Variants in TAF4B observed in about 807,000 individuals in gnomAD.
TAF4B encodes the protein transcription initiation factor TFIID subunit 4B.
A neutral mutation model predicts 86.4 loss-of-function variants in TAF4B; 38 were observed. The ratio of observed to expected loss-of-function variants is 0.44; its 90% CI spans 0.34 to 0.58. The LOEUF is 0.58. Ranked by LOEUF, TAF4B falls within the 20% of genes least tolerant of loss-of-function variation. The pLI is 0.02. For missense variants in TAF4B, 988 were observed against 1,027.6 expected (o/e 0.96, Z 0.53); for synonymous variants, 388 against 391.2 (o/e 0.99, Z 0.10).
Position 26,243,376 on chromosome 18 carries a change from C to A in TAF4B, c.343+16100C>A, listed in dbSNP as rs113831164. Among the ~76,000 whole-genome samples, 3 of 152,224 alleles carry A rather than the reference C, an allele frequency of 2.0e-5. No homozygotes were observed. In the South Asian group the frequency reaches 6.2e-4, roughly 32 times the overall value. On this transcript the variant is annotated intron_variant, in intron 1 of 14. Coordinates refer to ENST00000269142, the MANE Select transcript of TAF4B (RefSeq NM_005640.3). Reference sequence around the variant, plus strand: ...TACCCTTTCTTCCAGTTGATCGAATCGGCTACTGAAGCTTGTGCATCACGT... The same window carrying A: ...TACCCTTTCTTCCAGTTGATCGAATAGGCTACTGAAGCTTGTGCATCACGT...
At chr18:26,297,869 C>T (rs7226601) in intron 9 of TAF4B, among the ~76,000 whole-genome samples, 16,957 of 152,022 alleles carry the variant, frequency 0.11, 970 homozygotes, top group Middle Eastern at 0.14. Context: ...ATTGCTGAGT[C>T]GTATGGTAGG....
At chr18:26,258,857 A>G (rs1002433876) in intron 1 of TAF4B, among the ~76,000 whole-genome samples, 1 of 146,656 alleles carries the variant, frequency 6.8e-6, no homozygotes, top group Non-Finnish European at 1.5e-5. Context: ...ACACTGGGCT[A>G]CTTTTAATTT....
At chr18:26,337,044 A>C (rs2057097668) in intron 13 of TAF4B, among the ~76,000 whole-genome samples, 1 of 152,254 alleles carries the variant, frequency 6.6e-6, no homozygotes, top group African/African-American at 2.4e-5. Context: ...TGTTAATGAG[A>C]ACAGGTGGTA....
At chr18:26,292,798 A>T (rs2056609637) in intron 8 of TAF4B, among the ~76,000 whole-genome samples, 2 of 152,168 alleles carry the variant, frequency 1.3e-5, no homozygotes, top group Admixed American at 6.5e-5. Flanking sequence ...AAGTGCTGGG[A>T]TTACAGGTGT....
At chr18:26,249,290 C>G (rs1035318574) in intron 1 of TAF4B, among the ~76,000 whole-genome samples, 3 of 152,114 alleles carry the variant, frequency 2.0e-5, no homozygotes, top group African/African-American at 7.2e-5. Context: ...ACCAGCCAGG[C>G]CAACATGGCA....
chr18:26,295,258 C>A, intron 9 of TAF4B: 1 of 378,452 alleles, frequency 2.6e-6, no homozygotes, highest in Non-Finnish European at 5.3e-6. Context: ...CGTGTTCTGT[C>A]ATCTCTTGGT....
intron 13 of TAF4B, among the ~76,000 whole-genome samples, chr18:26,344,368 T>TA (rs1392833633): frequency 3.4e-3 from 511 of 151,290 alleles, no homozygotes; most frequent in Middle Eastern, 6.8e-3. Context: ...TTTTTTTTTT[T>TA]TAAAAAAAAA....
At chr18:26,310,840 T>C (rs1299989862) in intron 9 of TAF4B, among the ~76,000 whole-genome samples, 1 of 152,108 alleles carries the variant, frequency 6.6e-6, no homozygotes, top group Admixed American at 6.5e-5. Flanking sequence ...ATAGTATTTT[T>C]TTTTTCTTGG....
chr18:26,354,809 A>G (rs1236771065), intron 13 of TAF4B, among the ~76,000 whole-genome samples: 2 of 152,204 alleles, frequency 1.3e-5, no homozygotes, highest in Non-Finnish European at 2.9e-5. Context: ...CTGTAGCCTT[A>G]TAAGAAGTCT....
At position 26,286,351 on chromosome 18, in the gene TAF4B, T is replaced by G. The variant is rs749246607; in HGVS notation, c.1442T>G (p.Leu481Arg). The change falls in exon 7 of 15, where the codon CTT (leucine) becomes CGT (arginine). Residue 481 changes from leucine (L) to arginine (R), a missense_variant. Physicochemically the swap from Leu to Arg is moderately radical, Grantham distance 102. Around this residue, in one of 3 missense-constraint regions of TAF4B, gnomAD observed 747 missense variants for 737.9 expected, o/e 1.01. Transcript: ENST00000269142. ...FGETSGAAIC[L>R]PSVKPVVSSA... ...GAAACTTCAGGTGCAGCTATTTGTC[T>G]TCCATCTGTGAAACCTGTTGTTTCT... The G allele has an allele frequency of 6.2e-7, 1 of 1,614,258 alleles. No homozygotes were observed. Among genetic ancestry groups the G allele is most frequent in the East Asian group, 2.2e-5 (1 of 44,892 alleles).
chr18:26,320,843 TAGA>T (rs1023375606), intron 10 of TAF4B, among the ~76,000 whole-genome samples: 4 of 152,236 alleles, frequency 2.6e-5, no homozygotes, highest in Admixed American at 6.5e-5. Flanking sequence ...AGAATGATTC[TAGA>T]GGCTAAGTGA....
intron 9 of TAF4B, chr18:26,304,932 T>G: frequency 3.2e-6 from 3 of 945,614 alleles, no homozygotes; most frequent in Non-Finnish European, 2.5e-6. Context: ...TGACTACTTA[T>G]TGCTTTCCAG....
rs1978452117 is a variant in TAF4B, at chr18:26,387,639, C to G, written c.2422-2206C>G. 2.0e-5 allele frequency among the ~76,000 whole-genome samples: 3 copies of G among 152,098 alleles called. No individual in the cohort carries two copies. In the South Asian group the frequency reaches 6.2e-4, roughly 32 times the overall value. ...CACTTGTACAAATTGCATTCATTAC[C>G]AAGAACCCTGCAGAAGTGGCGAGAG... is the stretch of plus-strand genomic sequence containing the variant. On this transcript the variant is annotated intron_variant, in intron 14 of 14. Coordinates refer to ENST00000269142, the MANE Select transcript of TAF4B (RefSeq NM_005640.3).
intron 9 of TAF4B, among the ~76,000 whole-genome samples, chr18:26,302,173 T>C (rs1264200055): frequency 6.6e-6 from 1 of 152,112 alleles, no homozygotes; most frequent in East Asian, 1.9e-4. Context: ...GTGTTACACA[T>C]ATCTACTAGA....
chr18:26,290,186 C>T (rs778861970), intron 7 of TAF4B, among the ~76,000 whole-genome samples: 3 of 151,960 alleles, frequency 2.0e-5, no homozygotes, highest in Non-Finnish European at 4.4e-5. Context: ...GTTGCCTAGC[C>T]TGGAGTGCAG....
At chr18:26,370,234 C>T (rs1226381590) in intron 14 of TAF4B, among the ~76,000 whole-genome samples, 1 of 152,132 alleles carries the variant, frequency 6.6e-6, no homozygotes, top group Non-Finnish European at 1.5e-5. Flanking sequence ...GTCTTGTAGC[C>T]AAAGGCAGAG....
chr18:26,241,328 C>T lies in TAF4B; in HGVS notation c.343+14052C>T, dbSNP rs558486854. Among the ~76,000 whole-genome samples the T allele has an allele frequency of 5.3e-5, 8 of 152,164 alleles. No homozygotes were observed. The South Asian group carries it at 1.7e-3, about 32-fold the overall frequency. On this transcript the variant is annotated intron_variant, in intron 1 of 14. Transcript: ENST00000269142. Reference sequence around the variant, plus strand: ...TTAGTCTTGGGAGGGTGTATGTGTCCAGGAATTTATGCATTTCTTCTAGAT... The same window carrying T: ...TTAGTCTTGGGAGGGTGTATGTGTCTAGGAATTTATGCATTTCTTCTAGAT...
chr18:26,346,382 T>C lies in TAF4B; in HGVS notation c.2316+11151T>C, dbSNP rs150073341. ...TGGGACACCATGAAGCAAACAAATATTCACATTATGGGCATTCCGGAAGGA... is the reference window on the plus strand; with the variant it reads ...TGGGACACCATGAAGCAAACAAATACTCACATTATGGGCATTCCGGAAGGA... On this transcript the variant is annotated intron_variant, in intron 13 of 14. Coordinates refer to ENST00000269142, the MANE Select transcript of TAF4B (RefSeq NM_005640.3). Among the ~76,000 whole-genome samples the C allele has an allele frequency of 5.8e-5, 7 of 121,664 alleles. No homozygotes were observed. The East Asian group carries it at 7.3e-4, about 13-fold the overall frequency. The allele number at this position is 121,664 out of a possible 152,430, so 79.8% of individuals were successfully genotyped here.
chr18:26,357,201 A>G lies in TAF4B; in HGVS notation c.2317-489A>G, dbSNP rs114728102. On this transcript the variant is annotated intron_variant, in intron 13 of 14. Coordinates refer to ENST00000269142, the MANE Select transcript of TAF4B (RefSeq NM_005640.3). Reference sequence around the variant, plus strand: ...TCCATTAATAAAAAGAGGATGATGTATAATTTTTATATTATAGCAATCACC... The same window carrying G: ...TCCATTAATAAAAAGAGGATGATGTGTAATTTTTATATTATAGCAATCACC... Among the ~76,000 whole-genome samples the G allele has an allele frequency of 8.5e-5, 13 of 152,304 alleles. No homozygotes were observed. The East Asian group carries it at 2.5e-3, about 29-fold the overall frequency.
Sources: allele counts gnomAD v4.1 joint callset (sites outside exome capture counted in the v4.1 genomes callset), GRCh38; gene constraint gnomAD v4.1.1; regional missense constraint gnomAD v4.1.1; transcripts MANE v1.5; gene names NCBI Gene and HGNC (gene_info 2026-07-23, HGNC 2026-07-21).